Variants in SYTL2 observed in about 807,000 individuals in gnomAD.
The protein encoded by SYTL2 is synaptotagmin like 2, also known as synaptotagmin-like protein 2.
In SYTL2, 165 loss-of-function variants were observed where a neutral mutation model predicts 198.7. The observed-to-expected ratio is 0.83, with a 90% CI of 0.73 to 0.94. SYTL2 has a LOEUF of 0.94. Among genes scored for constraint, SYTL2 ranks in the 40% least tolerant of loss-of-function variants. SYTL2 has a pLI of 0.00. For synonymous variants in SYTL2, 966 were observed against 917.7 expected (o/e 1.05, Z -0.95); for missense variants, 2,835 against 2,582.8 (o/e 1.10, Z -2.12).
intron 5 of SYTL2, among the ~76,000 whole-genome samples, chr11:85,736,990 C>A (rs2090396030): frequency 1.3e-5 from 2 of 152,170 alleles, no homozygotes; most frequent in Admixed American, 6.5e-5. Flanking sequence ...CCATACCAGA[C>A]TCTCAGTGTG....
chr11:85,787,057 A>G (rs2092647059), intron 1 of SYTL2, among the ~76,000 whole-genome samples: 1 of 152,210 alleles, frequency 6.6e-6, no homozygotes, highest in Non-Finnish European at 1.5e-5. Context: ...TCTCAACTTC[A>G]AAAGGTCAGC....
rs1011399069 is a variant in SYTL2, at chr11:85,728,348, G to A, written c.1391-381C>T. Reference sequence around the variant, plus strand: ...GTTGCCTAGGCCAGAGTGCAGTGGCGGGATCTCGGCTCACTGCAACCTCCG... The same window carrying A: ...GTTGCCTAGGCCAGAGTGCAGTGGCAGGATCTCGGCTCACTGCAACCTCCG... On this transcript the variant is annotated intron_variant, in intron 7 of 19. Transcript: ENST00000359152. 3.3e-5 allele frequency among the ~76,000 whole-genome samples: 5 copies of A among 151,920 alleles called. No homozygotes were observed. In the East Asian group the frequency reaches 5.8e-4, roughly 18 times the overall value.
intron 1 of SYTL2, among the ~76,000 whole-genome samples, chr11:85,777,809 C>CTTCTT (rs2092478802): frequency 1.1e-4 from 7 of 65,842 alleles, no homozygotes; most frequent in Non-Finnish European, 1.9e-4. Flanking sequence ...ACAGGTCTTA[C>CTTCTT]TTCTTTTTTT....
In SYTL2 at chr11:85,724,071, T is replaced by C; in HGVS notation, c.5287A>G (p.Asn1763Asp). The C allele has an allele frequency of 6.4e-7, 1 of 1,552,094 alleles. No homozygotes were observed. Among genetic ancestry groups the C allele is most frequent in the East Asian group, 2.3e-5 (1 of 43,924 alleles). The change falls in exon 8 of 20, where the codon AAC becomes GAC. Residue 1763 changes from asparagine (N) to aspartate (D), a missense_variant. Coordinates refer to ENST00000359152, the MANE Select transcript of SYTL2 (RefSeq NM_206927.4). ...GFSESDFSDGNTSSNAESWRN... is the reference protein window; with the variant it reads ...GFSESDFSDGDTSSNAESWRN... ...CAGCTCTCTGCATTAGAACTGGTGT[T>C]TCCATCTGAAAAATCAGACTCAGAG...
Position 85,757,898 on chromosome 11 carries a change from G to A in SYTL2, c.-173C>T, listed in dbSNP as rs781777839. 2.6e-6 allele frequency: 2 copies of A among 772,642 alleles called. No homozygotes were observed. Among genetic ancestry groups the A allele is most frequent in the African/African-American group, 1.8e-5 (1 of 56,988 alleles). 47.9% of individuals were successfully genotyped at this position (772,642 alleles called of 1,614,324 possible). A position where few individuals can be genotyped will look rare whatever the true frequency, so the allele number is the denominator to read the frequency against. On this transcript the variant is annotated 5_prime_UTR_variant, in exon 2 of 20. Transcript: ENST00000359152. ...AAAAGTTTAGGGCAGCTGATAGCAA[G>A]ATCCTAAGTGCTCTTTCCCATGAGG...
At chr11:85,822,006 T>G in the SYTL2 span, among the ~76,000 whole-genome samples, 1 of 152,010 alleles carries the variant, frequency 6.6e-6, no homozygotes, top group African/African-American at 2.4e-5. Flanking sequence ...GAGCCCTAGG[T>G]GCTCAAAGAC....
chr11:85,848,098 A>G, the SYTL2 span, among the ~76,000 whole-genome samples: 1 of 151,964 alleles, frequency 6.6e-6, no homozygotes, highest in Non-Finnish European at 1.5e-5. Context: ...AAATCAGTTG[A>G]GCATGGTGGC....
the SYTL2 span, among the ~76,000 whole-genome samples, chr11:85,823,108 T>TA: frequency 6.6e-6 from 1 of 152,248 alleles, no homozygotes; most frequent in Non-Finnish European, 1.5e-5. Flanking sequence ...TTTATTCACT[T>TA]ACTCAACTAA....
At chr11:85,737,681 G>A (rs764632815) in intron 4 of SYTL2, 25 bp from the exon 5 acceptor site, 2 of 1,584,580 alleles carry the variant, frequency 1.3e-6, no homozygotes, top group Non-Finnish European at 1.7e-6. Flanking sequence ...ATAATTCAGA[G>A]AATAAAACCT....
the SYTL2 span, among the ~76,000 whole-genome samples, chr11:85,830,303 T>A: frequency 6.6e-6 from 1 of 152,208 alleles, no homozygotes; most frequent in Non-Finnish European, 1.5e-5. Flanking sequence ...ACCAAACAAC[T>A]GAGTTGACTA....
chr11:85,721,728 C>A (rs1441900983), intron 8 of SYTL2, among the ~76,000 whole-genome samples: 2 of 152,160 alleles, frequency 1.3e-5, no homozygotes, highest in African/African-American at 4.8e-5. Flanking sequence ...AGAACCACTT[C>A]TCTAGACAAT....
At chr11:85,828,835 G>A in the SYTL2 span, among the ~76,000 whole-genome samples, 1 of 152,164 alleles carries the variant, frequency 6.6e-6, no homozygotes, top group South Asian at 2.1e-4. Flanking sequence ...CAAGGTTTAT[G>A]ATCCCAGGTC....
chr11:85,726,155 G>C lies in SYTL2; in HGVS notation c.3203C>G (p.Thr1068Arg). 1.9e-6 allele frequency: 3 copies of C among 1,614,048 alleles called. No individual in the cohort carries two copies. Among genetic ancestry groups the C allele is most frequent in the South Asian group, 2.2e-5 (2 of 91,058 alleles). Residue 1068 changes from threonine (T) to arginine (R), a missense_variant, in exon 8 of 20, where the codon ACA becomes AGA. This residue lies in a region of SYTL2 where 2,645 missense variants were observed against 2,381.7 expected (regional missense o/e 1.11). Coordinates refer to ENST00000359152, the MANE Select transcript of SYTL2 (RefSeq NM_206927.4). ...GILQVLPDEI[T>R]FPLSPLRKYT... Reference sequence around the variant, plus strand: ...CTTTCTAAGTGGACTCAAAGGAAATGTGATTTCATCTGGTAGCACCTGGAG... The same window carrying C: ...CTTTCTAAGTGGACTCAAAGGAAATCTGATTTCATCTGGTAGCACCTGGAG...
At chr11:85,834,796 C>CT in the SYTL2 span, among the ~76,000 whole-genome samples, 2 of 150,700 alleles carry the variant, frequency 1.3e-5, no homozygotes, top group African/African-American at 4.9e-5. Context: ...GGGTCTTTCT[C>CT]TGTCACCCAG....
At chr11:85,712,027 A>T (rs1236582338) in intron 12 of SYTL2, among the ~76,000 whole-genome samples, 3 of 152,184 alleles carry the variant, frequency 2.0e-5, no homozygotes, top group African/African-American at 7.2e-5. Context: ...AGCTTTAAAA[A>T]TTTATGATTC....
At chr11:85,794,448 G>A (rs1592055801) in intron 1 of SYTL2, among the ~76,000 whole-genome samples, 2 of 152,176 alleles carry the variant, frequency 1.3e-5, no homozygotes, top group Non-Finnish European at 2.9e-5. Context: ...CAAAGTGCTG[G>A]GATTACAGTC....
intron 12 of SYTL2, among the ~76,000 whole-genome samples, chr11:85,713,604 C>G (rs1269953061): frequency 6.6e-6 from 1 of 152,184 alleles, no homozygotes; most frequent in African/African-American, 2.4e-5. Context: ...CCTAGATCTA[C>G]TCTTCAGTAG....
At chr11:85,845,233 T>C in the SYTL2 span, among the ~76,000 whole-genome samples, 1 of 152,204 alleles carries the variant, frequency 6.6e-6, no homozygotes, top group East Asian at 1.9e-4. Context: ...AATAACTTGA[T>C]TGCTCATCAC....
In SYTL2 at chr11:85,757,708, G is replaced by A; in HGVS notation, c.18C>T (p.Phe6=). Residue 6 remains phenylalanine, a synonymous_variant, in exon 2 of 20, where the codon TTC becomes TTT. Transcript: ENST00000359152. The stretch of plus-strand genomic sequence containing the variant: ...TGGCCTCTTGTTCCTCTTCAGTCAG[G>A]AAGCTTAAGTCAATCATTTTGAAAA... The part of the protein sequence containing the change: MIDLS[F]LTEEEQEAIM... 3 of 1,613,132 alleles carry A rather than the reference G, an allele frequency of 1.9e-6. No individual in the cohort carries two copies. Among genetic ancestry groups the A allele is most frequent in the Non-Finnish European group, 2.5e-6 (3 of 1,179,948 alleles).
Sources: gnomAD v4.1 joint callset for allele counts (sites outside exome capture counted in the v4.1 genomes callset) on GRCh38, gnomAD v4.1.1 for gene constraint, gnomAD v4.1.1 regional missense constraint, MANE v1.5 for transcripts, NCBI Gene and HGNC (gene_info 2026-07-23, HGNC 2026-07-21) for gene names.